NBAS: variants seen among roughly 807,000 people sequenced by gnomAD.
The protein encoded by NBAS is NBAS subunit of NRZ tethering complex.
In NBAS, 219 loss-of-function variants were observed where a neutral mutation model predicts 302.5. The ratio of observed to expected loss-of-function variants is 0.72; its 90% CI spans 0.65 to 0.81. The LOEUF is 0.81. Among genes scored for constraint, NBAS ranks in the 30% least tolerant of loss-of-function variants. The probability of loss-of-function intolerance (pLI) is 0.00; values close to 1 mark genes in which losing one functional copy is unlikely to be tolerated. For synonymous variants in NBAS, 1,118 were observed against 1,021.6 expected (o/e 1.09, Z -1.80); for missense variants, 2,932 against 2,841.6 (o/e 1.03, Z -0.72).
intron 31 of NBAS, among the ~76,000 whole-genome samples, chr2:15,367,855 T>A (rs1416853227): frequency 6.6e-6 from 1 of 152,172 alleles, no homozygotes; most frequent in Non-Finnish European, 1.5e-5. Flanking sequence ...TACAAAGAAA[T>A]CCTCTATACT....
At chr2:15,391,667 C>A (rs1675611589) in intron 28 of NBAS, among the ~76,000 whole-genome samples, 1 of 151,852 alleles carries the variant, frequency 6.6e-6, no homozygotes. Context: ...ACTATAAACC[C>A]AAAGACCCAA....
intron 43 of NBAS, among the ~76,000 whole-genome samples, chr2:15,276,505 A>T (rs78726558): frequency 0.038 from 5,721 of 152,272 alleles, 384 homozygotes; most frequent in African/African-American, 0.13. Context: ...ATTCTGCTCA[A>T]CTGCCTATTA....
At chr2:15,491,429 A>G (rs1680848847) in intron 11 of NBAS, among the ~76,000 whole-genome samples, 1 of 152,224 alleles carries the variant, frequency 6.6e-6, no homozygotes, top group Admixed American at 6.5e-5. Flanking sequence ...CTCTTCTTCA[A>G]AGCTAGCATT....
chr2:14,851,585 C>T, the NBAS span, among the ~76,000 whole-genome samples: 1 of 128,576 alleles, frequency 7.8e-6, no homozygotes, highest in Admixed American at 7.3e-5. Context: ...TTTTATGAGG[C>T]CAGCATCATC....
chr2:15,215,912 GA>G (rs1666630758), intron 48 of NBAS, among the ~76,000 whole-genome samples: 1 of 152,102 alleles, frequency 6.6e-6, no homozygotes, highest in Non-Finnish European at 1.5e-5. Flanking sequence ...GACAATTTTT[GA>G]AAAACAATAA....
At chr2:14,825,915 A>G in the NBAS span, among the ~76,000 whole-genome samples, 2 of 152,346 alleles carry the variant, frequency 1.3e-5, no homozygotes, top group South Asian at 4.1e-4. Flanking sequence ...TTTGCACGAA[A>G]TCGATGAGAT....
chr2:15,318,791 C>A (rs575775811), intron 38 of NBAS, among the ~76,000 whole-genome samples: 3 of 152,150 alleles, frequency 2.0e-5, no homozygotes, highest in Admixed American at 6.5e-5. Flanking sequence ...CTCCCACACA[C>A]TAATAATGGG....
At chr2:15,071,953 C>T in the NBAS span, among the ~76,000 whole-genome samples, 1 of 152,200 alleles carries the variant, frequency 6.6e-6, no homozygotes, top group African/African-American at 2.4e-5. Flanking sequence ...ACATCTTTGT[C>T]CCTGAAGACT....
intron 30 of NBAS, among the ~76,000 whole-genome samples, chr2:15,378,498 G>A (rs1426752537): frequency 6.6e-6 from 1 of 152,162 alleles, no homozygotes; most frequent in Non-Finnish European, 1.5e-5. Context: ...TAAACCCATT[G>A]CAAGTTGAAA....
chr2:15,106,341 G>A, the NBAS span, among the ~76,000 whole-genome samples: 1 of 152,228 alleles, frequency 6.6e-6, no homozygotes, highest in South Asian at 2.1e-4. Flanking sequence ...CTTAGAGGAT[G>A]AGACATTAAA....
chr2:15,541,401 A>G (rs979601765), intron 6 of NBAS, among the ~76,000 whole-genome samples: 4 of 152,162 alleles, frequency 2.6e-5, no homozygotes, highest in Admixed American at 6.5e-5. Context: ...AGGACTACCA[A>G]TGAAATGTGA....
chr2:15,142,125 T>A, the NBAS span, among the ~76,000 whole-genome samples: 1 of 152,182 alleles, frequency 6.6e-6, no homozygotes, highest in African/African-American at 2.4e-5. Context: ...AGAACGATGA[T>A]ATTCAGAAAA....
At chr2:14,804,574 C>T in the NBAS span, among the ~76,000 whole-genome samples, 2 of 152,162 alleles carry the variant, frequency 1.3e-5, no homozygotes, top group African/African-American at 4.8e-5. Context: ...AAGCCTAATC[C>T]TATATTTATC....
chr2:15,031,888 C>T, the NBAS span, among the ~76,000 whole-genome samples: 1 of 152,130 alleles, frequency 6.6e-6, no homozygotes, highest in Non-Finnish European at 1.5e-5. Flanking sequence ...GGGAGGGCCT[C>T]CTGAAAGCCC....
At chr2:15,352,227 G>T in intron 34 of NBAS, 146 bp from the exon 35 acceptor site, 1 of 641,418 alleles carries the variant, frequency 1.6e-6, no homozygotes, top group South Asian at 1.8e-5. Flanking sequence ...CTTACTTCAG[G>T]ACTTCACAAA....
At chr2:15,327,641 A>G (rs934462236) in intron 38 of NBAS, 109 bp downstream of exon 38, 11 of 1,370,770 alleles carry the variant, frequency 8.0e-6, no homozygotes, top group Non-Finnish European at 1.0e-5. Context: ...ATGCAATTCA[A>G]AATTACTGAA....
the NBAS span, among the ~76,000 whole-genome samples, chr2:14,903,935 C>T: frequency 6.6e-6 from 1 of 152,140 alleles, no homozygotes; most frequent in South Asian, 2.1e-4. Flanking sequence ...AGAGGAGACC[C>T]AGGAGAAGTG....
At chr2:15,087,710 G>A in the NBAS span, among the ~76,000 whole-genome samples, 3 of 152,230 alleles carry the variant, frequency 2.0e-5, no homozygotes, top group Non-Finnish European at 2.9e-5. Flanking sequence ...AATGTCAGCC[G>A]GTGAGAAATT....
chr2:14,875,135 G>A, the NBAS span, among the ~76,000 whole-genome samples: 2 of 152,034 alleles, frequency 1.3e-5, no homozygotes, highest in Non-Finnish European at 2.9e-5. Flanking sequence ...GGGATATTTG[G>A]CAGAAAAAGA....
Sources: gnomAD v4.1 joint callset for allele counts (sites outside exome capture counted in the v4.1 genomes callset) on GRCh38, gnomAD v4.1.1 for gene constraint, MANE v1.5 for transcripts, NCBI Gene and HGNC (gene_info 2026-07-23, HGNC 2026-07-21) for gene names.